Variants in MBNL2 observed in about 807,000 individuals in gnomAD.
The protein encoded by MBNL2 is muscleblind-like protein 2.
In MBNL2, 17 loss-of-function variants were observed where a neutral mutation model predicts 41.9. The observed-to-expected ratio is 0.41, with a 90% CI of 0.28 to 0.61. The LOEUF (loss-of-function observed/expected upper bound fraction) is 0.61, where lower values mean the gene tolerates loss of function less well. Among genes scored for constraint, MBNL2 ranks in the 20% least tolerant of loss-of-function variants. The pLI, the probability that MBNL2 is intolerant of heterozygous loss-of-function variation, is 0.35. For missense variants in MBNL2, 336 were observed against 505.6 expected (o/e 0.66, Z 3.22); for synonymous variants, 195 against 182.9 (o/e 1.07, Z -0.53).
chr13:97,190,193 T>C, the MBNL2 span, among the ~76,000 whole-genome samples: 1 of 152,332 alleles, frequency 6.6e-6, no homozygotes, highest in Non-Finnish European at 1.5e-5. Context: ...AAGCAACCCA[T>C]GCCCTCGAGG....
intron 5 of MBNL2, among the ~76,000 whole-genome samples, chr13:97,348,964 G>A (rs993664956): frequency 4.6e-5 from 7 of 152,178 alleles, no homozygotes; most frequent in African/African-American, 1.2e-4. Flanking sequence ...CACCAGGTGC[G>A]GAGTGTGTGG....
rs549579143 is a variant in MBNL2 at position 97,305,232 on chromosome 13, T to C, written c.174+28823T>C. Among the ~76,000 whole-genome samples the C allele has an allele frequency of 2.0e-5, 3 of 152,378 alleles. No homozygotes were observed. The East Asian group carries it at 5.8e-4, about 29-fold the overall frequency. On this transcript the variant is annotated intron_variant, in intron 2 of 8. Transcript: ENST00000679496. Reference sequence around the variant, plus strand: ...ACAATGGCTAACATATATTTTTAGATGAATTACTCTTATTTTCAAATTTTC... The same window carrying C: ...ACAATGGCTAACATATATTTTTAGACGAATTACTCTTATTTTCAAATTTTC...
chr13:97,274,876 A>G (rs1226989253), intron 1 of MBNL2, among the ~76,000 whole-genome samples: 1 of 152,240 alleles, frequency 6.6e-6, no homozygotes, highest in Admixed American at 6.5e-5. Context: ...GCGTTTTTAG[A>G]TTATGACTCA....
chr13:97,354,890 TTTTGAG>T (rs1484567572), intron 5 of MBNL2, among the ~76,000 whole-genome samples: 1 of 152,186 alleles, frequency 6.6e-6, no homozygotes, highest in Admixed American at 6.5e-5. Flanking sequence ...GCCAAAATGA[TTTTGAG>T]TTTAACGATC....
chr13:97,160,163 C>G, the MBNL2 span, among the ~76,000 whole-genome samples: 1 of 152,186 alleles, frequency 6.6e-6, no homozygotes, highest in East Asian at 1.9e-4. Context: ...CGGGAAAGCT[C>G]TCTGTTGTAA....
the MBNL2 span, among the ~76,000 whole-genome samples, chr13:97,215,274 T>C: frequency 6.6e-6 from 1 of 152,222 alleles, no homozygotes; most frequent in Non-Finnish European, 1.5e-5. Flanking sequence ...CTTAGTGCCA[T>C]GGTTCCCAAA....
At chr13:97,195,591 T>C in the MBNL2 span, among the ~76,000 whole-genome samples, 1 of 152,220 alleles carries the variant, frequency 6.6e-6, no homozygotes, top group Non-Finnish European at 1.5e-5. Context: ...AGTATGTTGA[T>C]AATTTTAGGC....
chr13:97,391,264 C>A lies in MBNL2; in HGVS notation c.1049-58C>A, dbSNP rs2066381911. On this transcript the variant is annotated intron_variant, in intron 8 of 8. Transcript: ENST00000679496. Reference sequence around the variant, plus strand: ...CTATTTTTGAAGAGTAAAACTTAAACTCATTATTTTTCCTCCCAGAAGGAT... The same window carrying A: ...CTATTTTTGAAGAGTAAAACTTAAAATCATTATTTTTCCTCCCAGAAGGAT... The A allele has an allele frequency of 1.7e-5, 13 of 778,456 alleles. No homozygotes were observed. The Admixed American group carries it at 2.0e-4, about 12-fold the overall frequency. The allele number at this position is 778,456 out of a possible 1,614,324, so 48.2% of individuals were successfully genotyped here.
chr13:97,158,645 C>A, the MBNL2 span, among the ~76,000 whole-genome samples: 1 of 151,552 alleles, frequency 6.6e-6, no homozygotes, highest in Non-Finnish European at 1.5e-5. Context: ...GCCTTCATTT[C>A]GTTATGTACC....
At chr13:97,142,760 T>C in the MBNL2 span, among the ~76,000 whole-genome samples, 3 of 152,248 alleles carry the variant, frequency 2.0e-5, no homozygotes, top group Non-Finnish European at 4.4e-5. Context: ...TTGTAACCTG[T>C]GGAATTTCCC....
intron 7 of MBNL2, among the ~76,000 whole-genome samples, chr13:97,359,108 G>C (rs2063204530): frequency 6.6e-6 from 1 of 152,130 alleles, no homozygotes; most frequent in Non-Finnish European, 1.5e-5. Context: ...GCCTTAATTA[G>C]TGACATCCCA....
intron 8 of MBNL2, among the ~76,000 whole-genome samples, chr13:97,376,754 C>G (rs554162201): frequency 1.3e-5 from 2 of 152,286 alleles, no homozygotes; most frequent in East Asian, 3.9e-4. Flanking sequence ...TCAATTACAT[C>G]ATAGATATGA....
At chr13:97,374,257 C>T (rs2064735907) in intron 8 of MBNL2, among the ~76,000 whole-genome samples, 1 of 151,358 alleles carries the variant, frequency 6.6e-6, no homozygotes, top group Admixed American at 6.6e-5. Context: ...ACGCCATTCT[C>T]CTGCCTCAGC....
intron 1 of MBNL2, among the ~76,000 whole-genome samples, chr13:97,253,111 A>G (rs2046878637): frequency 6.6e-6 from 1 of 152,222 alleles, no homozygotes; most frequent in African/African-American, 2.4e-5. Context: ...CAGTTTTATG[A>G]TATTAAAAAC....
At chr13:97,156,238 G>A in the MBNL2 span, among the ~76,000 whole-genome samples, 1 of 124,364 alleles carries the variant, frequency 8.0e-6, no homozygotes, top group Non-Finnish European at 1.7e-5. Context: ...ACTTTTTGAT[G>A]GGGTTGTTTG....
intron 1 of MBNL2, among the ~76,000 whole-genome samples, chr13:97,264,947 T>G (rs1030370923): frequency 1.3e-5 from 2 of 152,248 alleles, no homozygotes; most frequent in African/African-American, 4.8e-5. Flanking sequence ...GTAAGTGCAA[T>G]GCAGTTTTCA....
the MBNL2 span, among the ~76,000 whole-genome samples, chr13:97,147,434 C>G: frequency 1.3e-5 from 2 of 152,092 alleles, no homozygotes; most frequent in East Asian, 3.9e-4. Context: ...CAATAGTCCA[C>G]CAGTGGCTAG....
chr13:97,185,269 G>A, the MBNL2 span, among the ~76,000 whole-genome samples: 4 of 152,160 alleles, frequency 2.6e-5, no homozygotes, highest in African/African-American at 9.7e-5. Context: ...TCACATCACT[G>A]AATAGAGAAT....
the MBNL2 span, among the ~76,000 whole-genome samples, chr13:97,197,804 C>T: frequency 1.6e-4 from 24 of 152,264 alleles, no homozygotes; most frequent in African/African-American, 5.5e-4. Flanking sequence ...AGGTTATTAA[C>T]TACTTAAGCA....
Sources: allele counts gnomAD v4.1 joint callset (sites outside exome capture counted in the v4.1 genomes callset), GRCh38; gene constraint gnomAD v4.1.1; transcripts MANE v1.5; gene names NCBI Gene and HGNC (gene_info 2026-07-23, HGNC 2026-07-21).